MAGI2: variants seen among roughly 807,000 people sequenced by gnomAD.
The protein encoded by MAGI2 is membrane associated guanylate kinase, WW and PDZ domain containing 2.
Under a neutral mutation model 133.3 loss-of-function variants are expected in MAGI2, and 35 were observed. The ratio of observed to expected loss-of-function variants is 0.26; its 90% CI spans 0.20 to 0.35. The LOEUF (loss-of-function observed/expected upper bound fraction) is 0.35. Ranked by LOEUF, MAGI2 falls within the 10% of genes least tolerant of loss-of-function variation. The probability of loss-of-function intolerance (pLI) is 1.00; values close to 1 mark genes in which losing one functional copy is unlikely to be tolerated. For synonymous variants in MAGI2, 729 were observed against 710.6 expected (o/e 1.03, Z -0.41); for missense variants, 1,636 against 1,863.4 (o/e 0.88, Z 2.25).
intron 6 of MAGI2, among the ~76,000 whole-genome samples, chr7:78,391,067 G>T (rs944743827): frequency 2.0e-5 from 3 of 152,192 alleles, no homozygotes; most frequent in African/African-American, 7.2e-5. Flanking sequence ...AGAGCCACAT[G>T]CAAGGAAAGA....
chr7:78,573,241 T>TATTTATATATAA (rs1801787954), intron 3 of MAGI2, among the ~76,000 whole-genome samples: 2 of 51,308 alleles, frequency 3.9e-5, no homozygotes, highest in Admixed American at 3.5e-4. Flanking sequence ...TAAATATATA[T>TATTTATATATAA]ATATAAATAT....
rs556302081 is a variant in MAGI2, at chr7:78,562,181, T to TA, written c.539-40537dup. Among the ~76,000 whole-genome samples, 7 of 152,264 alleles carry TA rather than the reference T, an allele frequency of 4.6e-5. No homozygotes were observed. In the South Asian group the frequency reaches 1.5e-3, roughly 32 times the overall value. ...GTACACATTCTACATTTTTCCTACTTAAAAAAATCATCACTATGAGAGCAT... is the reference window on the plus strand; with the variant it reads ...GTACACATTCTACATTTTTCCTACTTAAAAAAAATCATCACTATGAGAGCAT... On this transcript the variant is annotated intron_variant, in intron 3 of 21. Transcript: ENST00000354212.
At chr7:78,420,540 G>A (rs1226788522) in intron 6 of MAGI2, among the ~76,000 whole-genome samples, 1 of 127,480 alleles carries the variant, frequency 7.8e-6, no homozygotes, top group East Asian at 2.5e-4. Flanking sequence ...ACCTACAATG[G>A]TTGAAATGAG....
chr7:78,109,500 C>T (rs1271276728), intron 20 of MAGI2, among the ~76,000 whole-genome samples: 4 of 151,670 alleles, frequency 2.6e-5, no homozygotes, highest in African/African-American at 7.3e-5. Context: ...GGCGTGGTGG[C>T]ACGTGCCTGT....
At chr7:78,932,337 T>C (rs1478358326) in intron 2 of MAGI2, among the ~76,000 whole-genome samples, 1 of 152,120 alleles carries the variant, frequency 6.6e-6, no homozygotes, top group Non-Finnish European at 1.5e-5. Context: ...AGCACTTATA[T>C]TTTTCTATAG....
At chr7:78,949,592 T>C (rs1486219350) in intron 2 of MAGI2, among the ~76,000 whole-genome samples, 2 of 152,234 alleles carry the variant, frequency 1.3e-5, no homozygotes, top group African/African-American at 2.4e-5. Flanking sequence ...TGTCATTCTA[T>C]ATTTACCTAG....
intron 1 of MAGI2, among the ~76,000 whole-genome samples, chr7:79,025,178 A>AG (rs1809756260): frequency 6.6e-6 from 1 of 152,134 alleles, no homozygotes; most frequent in African/African-American, 2.4e-5. Flanking sequence ...CAGCCATAAA[A>AG]AAATGAGATC....
At chr7:78,825,357 CA>C (rs1333926870) in intron 2 of MAGI2, among the ~76,000 whole-genome samples, 7 of 152,086 alleles carry the variant, frequency 4.6e-5, no homozygotes, top group African/African-American at 1.4e-4. Context: ...AATGAACTAC[CA>C]AAGTTTATGC....
chr7:78,306,811 A>G (rs905370879), intron 9 of MAGI2, among the ~76,000 whole-genome samples: 5 of 152,162 alleles, frequency 3.3e-5, no homozygotes, highest in African/African-American at 1.2e-4. Flanking sequence ...GTATGGTTTT[A>G]AGAATAATGT....
chr7:78,806,801 G>T (rs1276336717), intron 2 of MAGI2, among the ~76,000 whole-genome samples: 1 of 151,498 alleles, frequency 6.6e-6, no homozygotes, highest in Admixed American at 6.6e-5. Flanking sequence ...TCAGGAGTTT[G>T]AAGCTGCAGT....
At chr7:78,518,441 C>T (rs1029284478) in intron 4 of MAGI2, 3 of 152,066 alleles carry the variant, frequency 2.0e-5, no homozygotes, top group Non-Finnish European at 4.4e-5. Flanking sequence ...AAAGCAGTAC[C>T]TAGTTGATGG....
intron 7 of MAGI2, among the ~76,000 whole-genome samples, chr7:78,352,170 T>C (rs900932530): frequency 6.6e-6 from 1 of 152,184 alleles, no homozygotes; most frequent in African/African-American, 2.4e-5. Flanking sequence ...CAAAGTCTCT[T>C]GACTAGACAC....
intron 2 of MAGI2, among the ~76,000 whole-genome samples, chr7:78,973,460 T>C (rs1358235430): frequency 6.6e-6 from 1 of 151,872 alleles, no homozygotes; most frequent in Non-Finnish European, 1.5e-5. Context: ...TCCATTCCTC[T>C]GTGCAAGGAA....
intron 1 of MAGI2, among the ~76,000 whole-genome samples, chr7:79,199,614 T>C (rs10253270): frequency 0.17 from 25,514 of 151,974 alleles, 5,330 homozygotes; most frequent in African/African-American, 0.49. Context: ...TAAGTAAAAG[T>C]AAATCCTTTA....
chr7:78,920,761 T>C (rs1365078933), intron 2 of MAGI2, among the ~76,000 whole-genome samples: 1 of 152,116 alleles, frequency 6.6e-6, no homozygotes, highest in African/African-American at 2.4e-5. Flanking sequence ...ACTTGCCTCT[T>C]CATACCCAGC....
chr7:78,716,983 C>T (rs1179076782), intron 2 of MAGI2, among the ~76,000 whole-genome samples: 1 of 152,132 alleles, frequency 6.6e-6, no homozygotes, highest in Non-Finnish European at 1.5e-5. Context: ...GAGACTGAAC[C>T]GTGAAGAAAC....
intron 1 of MAGI2, among the ~76,000 whole-genome samples, chr7:79,381,200 G>T (rs567432889): frequency 6.6e-4 from 100 of 151,386 alleles, no homozygotes; most frequent in Middle Eastern, 3.4e-3. Context: ...TCCTTTTTTT[G>T]TTGTTGTTGT....
Position 79,357,951 on chromosome 7 carries a change from C to T in MAGI2, c.301+95069G>A, listed in dbSNP as rs545835646. Among the ~76,000 whole-genome samples, 98 of 152,162 alleles carry T rather than the reference C, an allele frequency of 6.4e-4. 4 individuals are homozygous for T. The South Asian group carries it at 0.02, about 31-fold the overall frequency. On this transcript the variant is annotated intron_variant, in intron 1 of 21. Coordinates refer to ENST00000354212, the MANE Select transcript of MAGI2 (RefSeq NM_012301.4). Reference sequence around the variant, plus strand: ...TTAAGCTGGATCTCTTATTTAATTACTTATTTATCTATTTCAAATTGAGTG... The same window carrying T: ...TTAAGCTGGATCTCTTATTTAATTATTTATTTATCTATTTCAAATTGAGTG...
At chr7:78,736,476 A>T (rs1009468941) in intron 2 of MAGI2, among the ~76,000 whole-genome samples, 2 of 152,152 alleles carry the variant, frequency 1.3e-5, no homozygotes, top group Non-Finnish European at 1.5e-5. Context: ...TGCATATATC[A>T]TTATTCTTAT....
Sources: gnomAD v4.1 joint callset for allele counts (sites outside exome capture counted in the v4.1 genomes callset) on GRCh38, gnomAD v4.1.1 for gene constraint, MANE v1.5 for transcripts, NCBI Gene and HGNC (gene_info 2026-07-23, HGNC 2026-07-21) for gene names.